The following OXR1 variants were observed in gnomAD, a reference collection of about 807,000 sequenced individuals.
OXR1 encodes the protein oxidation resistance 1.
Under a neutral mutation model 104.6 loss-of-function variants are expected in OXR1, and 41 were observed. The observed-to-expected ratio is 0.39, with a 90% CI of 0.31 to 0.51. The LOEUF is 0.51. Among genes scored for constraint, OXR1 ranks in the 20% least tolerant of loss-of-function variants. The pLI is 0.77. For synonymous variants in OXR1, 348 were observed against 348.4 expected (o/e 1.00, Z 0.01); for missense variants, 955 against 1,031.9 (o/e 0.93, Z 1.02).
intron 3 of OXR1, among the ~76,000 whole-genome samples, chr8:106,614,096 T>C (rs1009725459): frequency 5.3e-5 from 8 of 152,256 alleles, no homozygotes; most frequent in Non-Finnish European, 1.2e-4. Flanking sequence ...AAAGTGCTTT[T>C]ATAATCCTAC....
At position 106,270,912 on chromosome 8, in the gene OXR1, T is replaced by C. The variant is rs1323685578; in HGVS notation, c.-139+545T>C. Among the ~76,000 whole-genome samples the C allele has an allele frequency of 2.0e-5, 3 of 151,156 alleles. No homozygotes were observed. The South Asian group carries it at 6.3e-4, about 32-fold the overall frequency. Reference sequence around the variant, plus strand: ...GGACAGTGGGCTCCGGAGGGGCGAGTGGATTCGGATAATTTGGGGAATCAG... The same window carrying C: ...GGACAGTGGGCTCCGGAGGGGCGAGCGGATTCGGATAATTTGGGGAATCAG... On this transcript the variant is annotated intron_variant, in intron 1 of 16. Coordinates refer to ENST00000517566, the MANE Select transcript of OXR1 (RefSeq NM_001198533.2).
In OXR1 at chr8:106,706,598, A is replaced by C; in HGVS notation, c.1077A>C (p.Gln359His). ...TTGTATCTTCAGATGAACTGCGACA[A>C]GATAAATCTTCTGGTGCGTCATCAG... is the stretch of plus-strand genomic sequence containing the variant. Reference protein sequence around the residue: ...EELVSSDELRQDKSSGASSES... With the variant: ...EELVSSDELRHDKSSGASSES... The change falls in exon 9 of 17, where the codon CAA becomes CAC. Residue 359 changes from glutamine to histidine, a missense_variant. Physicochemically the swap from Gln to His is conservative, Grantham distance 24. This residue lies in a region of OXR1 where 849 missense variants were observed against 852.9 expected (regional missense o/e 1.00). Coordinates refer to ENST00000517566, the MANE Select transcript of OXR1 (RefSeq NM_001198533.2). 6.2e-7 allele frequency: 1 copy of C among 1,612,960 alleles called. No homozygotes were observed. Among genetic ancestry groups the C allele is most frequent in the Non-Finnish European group, 8.5e-7 (1 of 1,179,730 alleles).
chr8:106,293,965 ATT>A (rs61559960), intron 1 of OXR1, among the ~76,000 whole-genome samples: 2,969 of 124,256 alleles, frequency 0.024, 21 homozygotes, highest in Non-Finnish European at 0.032. Flanking sequence ...TGACAGTTTA[ATT>A]TTTTTTTTTT....
chr8:106,605,995 G>A (rs1029306505), intron 3 of OXR1, among the ~76,000 whole-genome samples: 2 of 152,124 alleles, frequency 1.3e-5, no homozygotes, highest in Non-Finnish European at 2.9e-5. Flanking sequence ...GTGTTTACCA[G>A]ATGTATTATG....
chr8:106,621,797 A>G (rs1821726598), intron 3 of OXR1, among the ~76,000 whole-genome samples: 1 of 152,204 alleles, frequency 6.6e-6, no homozygotes, highest in African/African-American at 2.4e-5. Flanking sequence ...CTTGAAAATT[A>G]TATTTTTCTA....
intron 3 of OXR1, among the ~76,000 whole-genome samples, chr8:106,668,439 T>C (rs1030967572): frequency 6.6e-6 from 1 of 152,222 alleles, no homozygotes; most frequent in East Asian, 1.9e-4. Context: ...CTGACTCATG[T>C]GCCCACATGT....
chr8:106,545,559 C>T (rs1035503562), intron 3 of OXR1, among the ~76,000 whole-genome samples: 11 of 152,264 alleles, frequency 7.2e-5, no homozygotes, highest in East Asian at 3.9e-4. Flanking sequence ...ATAATTAAAA[C>T]GGTGGTACAC....
Position 106,271,214 on chromosome 8 carries a change from C to T in OXR1, c.-139+847C>T, listed in dbSNP as rs922763504. Among the ~76,000 whole-genome samples, 5 of 152,202 alleles carry T rather than the reference C, an allele frequency of 3.3e-5. No individual in the cohort carries two copies. In the South Asian group the frequency reaches 8.3e-4, roughly 25 times the overall value. On this transcript the variant is annotated intron_variant, in intron 1 of 16. Transcript: ENST00000517566. The stretch of plus-strand genomic sequence containing the variant: ...TTGAATAGTGATTTAGTACTGTTAT[C>T]TGAGGTTCACTTTCACCCCTGGCTC...
chr8:106,618,186 A>G (rs1388792388), intron 3 of OXR1: 1 of 1,534,810 alleles, frequency 6.5e-7, no homozygotes. Flanking sequence ...GCGCAAAGGT[A>G]TGTGTAAGTG....
At chr8:106,577,378 C>CTTT (rs5893798) in intron 3 of OXR1, among the ~76,000 whole-genome samples, 5,019 of 43,744 alleles carry the variant, frequency 0.11, 885 homozygotes, top group East Asian at 0.22. Flanking sequence ...GCCCAGCTAA[C>CTTT]TTTTTTTTTT....
At chr8:106,272,989 C>G (rs975653133) in intron 1 of OXR1, 2 of 151,970 alleles carry the variant, frequency 1.3e-5, no homozygotes, top group African/African-American at 4.8e-5. Flanking sequence ...GAGATTAGGT[C>G]CGGGTAGATC....
chr8:106,725,889 T>C (rs1433083327), intron 11 of OXR1: 1 of 183,832 alleles, frequency 5.4e-6, no homozygotes, highest in Non-Finnish European at 1.1e-5. Context: ...TACTACTTTT[T>C]TGTTACTGGG....
intron 1 of OXR1, among the ~76,000 whole-genome samples, chr8:106,316,729 T>TATCTATCTATCTATC (rs1813973094): frequency 2.1e-5 from 2 of 94,578 alleles, no homozygotes; most frequent in Non-Finnish European, 2.3e-5. Context: ...TCTATCTATC[T>TATCTATCTATCTATC]ATCTATCTAT....
At chr8:106,707,359 T>A (rs562660930) in intron 9 of OXR1, 1 of 643,900 alleles carries the variant, frequency 1.6e-6, no homozygotes, top group East Asian at 2.7e-5. Context: ...TGAGCATCAT[T>A]GCTACCCACC....
At chr8:106,557,151 C>A (rs1816345242) in intron 3 of OXR1, among the ~76,000 whole-genome samples, 1 of 152,152 alleles carries the variant, frequency 6.6e-6, no homozygotes, top group South Asian at 2.1e-4. Flanking sequence ...CTACATTGAG[C>A]CCTTCCAATT....
At chr8:106,596,010 T>G (rs1327494364) in intron 3 of OXR1, among the ~76,000 whole-genome samples, 1 of 152,232 alleles carries the variant, frequency 6.6e-6, no homozygotes, top group East Asian at 1.9e-4. Context: ...CAAGTTATCA[T>G]TTATTTTTAA....
intron 1 of OXR1, among the ~76,000 whole-genome samples, chr8:106,346,224 A>G (rs1815475197): frequency 6.6e-6 from 1 of 152,216 alleles, no homozygotes; most frequent in Admixed American, 6.5e-5. Context: ...GAAGATAATG[A>G]AAAAGAGCTA....
chr8:106,356,730 A>C (rs1815989174), intron 1 of OXR1, among the ~76,000 whole-genome samples: 2 of 92,844 alleles, frequency 2.2e-5, no homozygotes, highest in South Asian at 6.3e-4. Flanking sequence ...AAGTTGGCAA[A>C]AATAATAATA....
intron 1 of OXR1, among the ~76,000 whole-genome samples, chr8:106,327,632 A>T (rs1385545053): frequency 6.6e-6 from 1 of 152,110 alleles, no homozygotes; most frequent in South Asian, 2.1e-4. Context: ...TCAGATTCCT[A>T]ATGTTTTTAT....
Sources: allele counts gnomAD v4.1 joint callset (sites outside exome capture counted in the v4.1 genomes callset), GRCh38; gene constraint gnomAD v4.1.1; regional missense constraint gnomAD v4.1.1; transcripts MANE v1.5; gene names NCBI Gene and HGNC (gene_info 2026-07-23, HGNC 2026-07-21).